Variants in EXOC4 observed in about 807,000 individuals in gnomAD.
EXOC4 encodes exocyst complex component 4, also known as SEC8-like 1.
Under a neutral mutation model 107.2 loss-of-function variants are expected in EXOC4, and 71 were observed. The observed-to-expected ratio is 0.66, with a 90% confidence interval of 0.55 to 0.81. EXOC4 has a LOEUF of 0.81. Among genes scored for constraint, EXOC4 ranks in the 30% least tolerant of loss-of-function variants. The pLI is 0.00. For missense variants in EXOC4, 1,108 were observed against 1,189.6 expected (o/e 0.93, Z 1.01); for synonymous variants, 456 against 441.2 (o/e 1.03, Z -0.42).
chr7:133,968,039 G>T (rs939283767), intron 14 of EXOC4, among the ~76,000 whole-genome samples: 1 of 152,142 alleles, frequency 6.6e-6, no homozygotes, highest in Non-Finnish European at 1.5e-5. Flanking sequence ...ATATATTTAG[G>T]ATAGTTAGCT....
intron 10 of EXOC4, among the ~76,000 whole-genome samples, chr7:133,769,304 T>C (rs1233887037): frequency 6.6e-6 from 1 of 151,862 alleles, no homozygotes; most frequent in Non-Finnish European, 1.5e-5. Context: ...TGTTGAAAGC[T>C]GGGCTTTCAT....
chr7:133,772,799 G>A (rs751920679), intron 10 of EXOC4, among the ~76,000 whole-genome samples: 8 of 151,930 alleles, frequency 5.3e-5, no homozygotes, highest in Non-Finnish European at 1.0e-4. Context: ...GCAGTTTCTG[G>A]GCAAGCCTGA....
intron 9 of EXOC4, among the ~76,000 whole-genome samples, chr7:133,521,825 TAGCC>T (rs988334295): frequency 6.6e-6 from 1 of 152,082 alleles, no homozygotes; most frequent in Non-Finnish European, 1.5e-5. Context: ...TTCACCATGT[TAGCC>T]AGGATGGTCT....
At chr7:133,704,274 T>G (rs999007682) in intron 10 of EXOC4, among the ~76,000 whole-genome samples, 3 of 152,200 alleles carry the variant, frequency 2.0e-5, no homozygotes, top group Admixed American at 1.3e-4. Flanking sequence ...TTTAGCTTTA[T>G]GCAGTGTTTT....
chr7:133,856,612 A>G (rs1328055042), intron 11 of EXOC4, among the ~76,000 whole-genome samples: 1 of 152,220 alleles, frequency 6.6e-6, no homozygotes, highest in African/African-American at 2.4e-5. Context: ...TACATTTTAT[A>G]CTATGGTACC....
Position 133,857,149 on chromosome 7 carries a change from T to C in EXOC4, c.1735-38450T>C, listed in dbSNP as rs1426524720. Among the ~76,000 whole-genome samples, 5 of 1,318 alleles carry C rather than the reference T, an allele frequency of 3.8e-3. No homozygotes were observed. The East Asian group carries it at 0.058, about 15-fold the overall frequency. The allele number at this position is 1,318 out of a possible 152,430, so 0.9% of individuals were successfully genotyped here. On this transcript the variant is annotated intron_variant, in intron 11 of 17. Transcript: ENST00000253861. ...ATGTATATATATATACACATACACGTATATATATATATATATATATATATA... is the reference window on the plus strand; with the variant it reads ...ATGTATATATATATACACATACACGCATATATATATATATATATATATATA...
the EXOC4 span, among the ~76,000 whole-genome samples, chr7:134,072,400 A>G: frequency 6.6e-6 from 1 of 152,114 alleles, no homozygotes; most frequent in Non-Finnish European, 1.5e-5. Context: ...GGTGGTGGTG[A>G]TGGTGTTTTC....
chr7:133,647,133 G>C (rs1245047681), intron 10 of EXOC4, among the ~76,000 whole-genome samples: 1 of 152,152 alleles, frequency 6.6e-6, no homozygotes, highest in South Asian at 2.1e-4. Flanking sequence ...GCAAACATTA[G>C]TGTCATTTCC....
intron 7 of EXOC4, among the ~76,000 whole-genome samples, chr7:133,469,737 A>G (rs1284549724): frequency 3.3e-5 from 5 of 152,200 alleles, no homozygotes; most frequent in Admixed American, 3.3e-4. Flanking sequence ...CTATAACACT[A>G]TGGAAAACAT....
In EXOC4 at chr7:133,996,331, G is replaced by T. The variant is rs563378241; in HGVS notation, c.2207-1161G>T. ...CACATAAAGTAAATGTTGGAGCCAG[G>T]ACTTAAAGCCAAACTTTGAGGCTCT... On this transcript the variant is annotated intron_variant, in intron 14 of 17. Transcript: ENST00000253861. Among the ~76,000 whole-genome samples the T allele has an allele frequency of 3.3e-5, 5 of 152,220 alleles. No homozygotes were observed. In the South Asian group the frequency reaches 1.0e-3, roughly 32 times the overall value.
intron 12 of EXOC4, among the ~76,000 whole-genome samples, chr7:133,907,491 TTA>T (rs1374695749): frequency 3.9e-5 from 6 of 152,060 alleles, no homozygotes; most frequent in African/African-American, 1.4e-4. Flanking sequence ...CCGGGCAAGT[TTA>T]GTTTAAAAAT....
At chr7:133,576,952 A>G (rs374016676) in intron 9 of EXOC4, 3 of 1,012,384 alleles carry the variant, frequency 3.0e-6, no homozygotes, top group Admixed American at 5.1e-5. Flanking sequence ...GTATGTGGGT[A>G]GGTGAGTGAG....
At chr7:133,329,133 C>T (rs2150601013) in intron 5 of EXOC4, among the ~76,000 whole-genome samples, 1 of 152,174 alleles carries the variant, frequency 6.6e-6, no homozygotes, top group South Asian at 2.1e-4. Flanking sequence ...ACTCTTTTCC[C>T]TCCAATCTTG....
chr7:133,733,918 A>G lies in EXOC4; in HGVS notation c.1515-83407A>G, dbSNP rs895017582. On this transcript the variant is annotated intron_variant, in intron 10 of 17. Coordinates refer to ENST00000253861, the MANE Select transcript of EXOC4 (RefSeq NM_021807.4). ...TTCCTCATGATACTATGCAAGTGAC[A>G]AAAAGGTGGCTTGTGACAGAGAAAT... 3.9e-5 allele frequency among the ~76,000 whole-genome samples: 6 copies of G among 152,258 alleles called. 1 individual carries two copies. Among genetic ancestry groups the G allele is most frequent in the African/African-American group, 1.4e-4 (6 of 41,466 alleles).
intron 6 of EXOC4, among the ~76,000 whole-genome samples, chr7:133,363,471 A>T (rs372530974): frequency 9.8e-5 from 15 of 152,296 alleles, no homozygotes; most frequent in East Asian, 9.6e-4. Flanking sequence ...TTTTGTAAAC[A>T]TGAGTTTGGA....
intron 7 of EXOC4, among the ~76,000 whole-genome samples, chr7:133,438,895 T>TGAC (rs1182999418): frequency 6.6e-6 from 1 of 152,222 alleles, no homozygotes; most frequent in Non-Finnish European, 1.5e-5. Context: ...TGCTTACAGA[T>TGAC]GACAGTAGGT....
intron 10 of EXOC4, among the ~76,000 whole-genome samples, chr7:133,774,029 G>T (rs1450291567): frequency 6.6e-6 from 1 of 152,204 alleles, no homozygotes; most frequent in African/African-American, 2.4e-5. Context: ...TGGGATTAAG[G>T]ATATGGTGTG....
chr7:134,083,661 G>A, the EXOC4 span, among the ~76,000 whole-genome samples: 1 of 152,106 alleles, frequency 6.6e-6, no homozygotes, highest in Non-Finnish European at 1.5e-5. Flanking sequence ...AGGGTAGTCG[G>A]ACTTCTTAAA....
chr7:133,280,136 T>G (rs1584773533), intron 2 of EXOC4, among the ~76,000 whole-genome samples: 1 of 152,242 alleles, frequency 6.6e-6, no homozygotes, highest in South Asian at 2.1e-4. Flanking sequence ...TTAAAAAAAT[T>G]TTTTATAGAG....
Sources: allele counts gnomAD v4.1 joint callset (sites outside exome capture counted in the v4.1 genomes callset), GRCh38; gene constraint gnomAD v4.1.1; transcripts MANE v1.5; gene names NCBI Gene and HGNC (gene_info 2026-07-23, HGNC 2026-07-21).